POM121C: variants seen among roughly 807,000 people sequenced by gnomAD.
The protein encoded by POM121C is POM121 transmembrane nucleoporin C.
A neutral mutation model predicts 66.4 loss-of-function variants in POM121C; 20 were observed. The observed-to-expected ratio is 0.30, with a 90% CI of 0.21 to 0.44. The LOEUF (loss-of-function observed/expected upper bound fraction) is 0.44. Ranked by LOEUF, POM121C falls within the 20% of genes least tolerant of loss-of-function variation. The pLI, the probability that POM121C is intolerant of heterozygous loss-of-function variation, is 1.00. For synonymous variants in POM121C, 286 were observed against 528.0 expected, an observed-to-expected ratio of 0.54 and a Z score of 6.28; for missense variants, 580 against 1,225.7, an observed-to-expected ratio of 0.47 and a Z score of 7.87.
At chr7:75,419,223 C>T (rs1789592221) in intron 14 of POM121C, 97 bp downstream of exon 14, 3 of 1,479,484 alleles carry the variant, frequency 2.0e-6, no homozygotes, top group Non-Finnish European at 2.7e-6. Context: ...TGTGCTGAAC[C>T]TGATCTTCAC....
intron 5 of POM121C, 59 bp from the exon 6 acceptor site, chr7:75,439,283 G>A: frequency 6.2e-7 from 1 of 1,603,800 alleles, no homozygotes; most frequent in Non-Finnish European, 8.5e-7. Context: ...TCCCTTTAAA[G>A]TGTATTCTCA....
At chr7:75,459,575 G>C (rs587697814) in intron 3 of POM121C, among the ~76,000 whole-genome samples, 1,396 of 75,048 alleles carry the variant, frequency 0.019, 36 homozygotes, top group African/African-American at 0.072. Context: ...ACTCCAGCCT[G>C]GGCGATGGAG....
chr7:75,485,823 C>G (rs1157382355), intron 1 of POM121C, 41 bp downstream of exon 1: 4 of 492,066 alleles, frequency 8.1e-6, no homozygotes, highest in African/African-American at 1.9e-5. Flanking sequence ...GTGACTTCAC[C>G]CAGGCCCTTC....
At chr7:75,483,218 G>C (rs1792377414) in intron 1 of POM121C, among the ~76,000 whole-genome samples, 1 of 152,176 alleles carries the variant, frequency 6.6e-6, no homozygotes, top group Non-Finnish European at 1.5e-5. Context: ...TAAGCCATAA[G>C]TTACAGTAAT....
chr7:75,424,505 G>A, intron 11 of POM121C, 21 bp downstream of exon 11: 11 of 1,611,362 alleles, frequency 6.8e-6, no homozygotes, highest in Non-Finnish European at 9.3e-6. Context: ...TCTCGAGAGT[G>A]CAACGATCTG....
chr7:75,427,696 T>G (rs1481023015), intron 7 of POM121C, among the ~76,000 whole-genome samples: 4 of 152,122 alleles, frequency 2.6e-5, no homozygotes, highest in African/African-American at 9.7e-5. Context: ...AACTGTCACC[T>G]CAGACCGTCT....
chr7:75,430,824 C>T (rs1186004898), intron 7 of POM121C, among the ~76,000 whole-genome samples: 6 of 151,970 alleles, frequency 3.9e-5, no homozygotes, highest in African/African-American at 1.2e-4. Flanking sequence ...TGCCTGTAAT[C>T]CCAGAACTTT....
intron 3 of POM121C, among the ~76,000 whole-genome samples, chr7:75,459,137 T>C (rs1376290946): frequency 1.3e-5 from 2 of 149,400 alleles, no homozygotes; most frequent in African/African-American, 2.5e-5. Context: ...TCAATCTGTA[T>C]CGTGACAATC....
chr7:75,419,519 T>TA, intron 13 of POM121C, 77 bp from the exon 14 acceptor site: 2 of 1,540,626 alleles, frequency 1.3e-6, no homozygotes, highest in Non-Finnish European at 8.7e-7. Flanking sequence ...GAGCCTGTGC[T>TA]CTGCAGGGCA....
intron 3 of POM121C, among the ~76,000 whole-genome samples, chr7:75,449,415 A>G (rs1180440551): frequency 2.7e-5 from 4 of 148,622 alleles, no homozygotes; most frequent in Non-Finnish European, 5.9e-5. Context: ...CCCAGGCTGG[A>G]GTGCAGTGGC....
intron 3 of POM121C, among the ~76,000 whole-genome samples, chr7:75,473,627 GAAAT>G (rs1211752968): frequency 2.6e-5 from 4 of 152,038 alleles, no homozygotes; most frequent in African/African-American, 4.8e-5. Context: ...AATGCCTAAA[GAAAT>G]AAATAAAATC....
rs1171343154 is a variant in POM121C, at chr7:75,418,503, G to C, written c.*293C>G. ...CTGCCTAAGGGTGCGCTAAGCGGGA[G>C]TCAGGGCAGCGGACACTATGTACAG... On this transcript the variant is annotated 3_prime_UTR_variant, in exon 15 of 15. Transcript: ENST00000615331. The C allele has an allele frequency of 3.5e-6, 4 of 1,156,976 alleles. No individual in the cohort carries two copies. The African/African-American group carries it at 4.9e-5, about 14-fold the overall frequency. 71.7% of individuals were successfully genotyped at this position (1,156,976 alleles called of 1,614,324 possible).
intron 3 of POM121C, among the ~76,000 whole-genome samples, chr7:75,462,916 ATGCTGAG>A (rs1259504326): frequency 1.3e-5 from 2 of 152,000 alleles, no homozygotes; most frequent in Admixed American, 6.6e-5. Flanking sequence ...AGCCATGCAC[ATGCTGAG>A]TGCAGAGCAC....
At chr7:75,446,997 G>T in intron 3 of POM121C, among the ~76,000 whole-genome samples, 1 of 96,668 alleles carries the variant, frequency 1.0e-5, no homozygotes. Flanking sequence ...AACAGAGCGA[G>T]ACTCCGTCTC....
chr7:75,416,939 C>T lies in POM121C; in HGVS notation c.*1857G>A. 7.1e-7 allele frequency: 1 copy of T among 1,407,708 alleles called. No individual in the cohort carries two copies. 87.2% of individuals were successfully genotyped at this position (1,407,708 alleles called of 1,614,324 possible). A position where few individuals can be genotyped will look rare whatever the true frequency, so the allele number is the denominator to read the frequency against. Reference sequence around the variant, plus strand: ...GCTGCCGTCCAGTGTGTGTACTGTACACATCCACACTCACTCTCACTCAGG... The same window carrying T: ...GCTGCCGTCCAGTGTGTGTACTGTATACATCCACACTCACTCTCACTCAGG... On this transcript the variant is annotated 3_prime_UTR_variant, in exon 15 of 15. Transcript: ENST00000615331.
At chr7:75,421,295 G>C (rs28495760) in intron 13 of POM121C, 91,649 of 1,234,356 alleles carry the variant, frequency 0.074, 6,973 homozygotes, top group African/African-American at 0.26. Flanking sequence ...CAATTGTTAA[G>C]TACTCAGAAG....
chr7:75,419,051 T>C lies in POM121C; in HGVS notation c.2867-158A>G, dbSNP rs2429587. 1.8e-4 allele frequency among the ~76,000 whole-genome samples: 28 copies of C among 152,272 alleles called. No homozygotes were observed. In the East Asian group the frequency reaches 2.7e-3, roughly 15 times the overall value. Reference sequence around the variant, plus strand: ...GAAACACTGTACGGGAGGAGCCTCCTGAAATGCAAACTCCCAGAGTCTCAG... The same window carrying C: ...GAAACACTGTACGGGAGGAGCCTCCCGAAATGCAAACTCCCAGAGTCTCAG... On this transcript the variant is annotated intron_variant, in intron 14 of 14. Transcript: ENST00000615331.
chr7:75,434,509 G>A (rs1199701525), intron 7 of POM121C, among the ~76,000 whole-genome samples: 2 of 151,200 alleles, frequency 1.3e-5, no homozygotes, highest in Non-Finnish European at 2.9e-5. Context: ...ACTCCTGATC[G>A]CAGGTGATCC....
chr7:75,437,209 G>T (rs1255063352), intron 7 of POM121C, among the ~76,000 whole-genome samples: 6 of 152,098 alleles, frequency 3.9e-5, no homozygotes, highest in African/African-American at 1.2e-4. Flanking sequence ...GGCCTATATT[G>T]ATCACTCAAT....
Sources: gnomAD v4.1 joint callset for allele counts (sites outside exome capture counted in the v4.1 genomes callset) on GRCh38, gnomAD v4.1.1 for gene constraint, MANE v1.5 for transcripts, NCBI Gene and HGNC (gene_info 2026-07-23, HGNC 2026-07-21) for gene names.